IL22RA2: variants seen among roughly 807,000 people sequenced by gnomAD.
IL22RA2 encodes interleukin-22 receptor subunit alpha-2.
In IL22RA2, 39 loss-of-function variants were observed where a neutral mutation model predicts 30.7. That is an observed-to-expected ratio of 1.27 (90% CI 0.98 to 1.66). The LOEUF is 1.66. Among genes scored for constraint, IL22RA2 ranks in the 40% most tolerant of loss-of-function variants. IL22RA2 has a pLI of 0.00. For synonymous variants in IL22RA2, 103 were observed against 105.0 expected, an observed-to-expected ratio of 0.98 and a Z score of 0.11; for missense variants, 315 against 312.7, an observed-to-expected ratio of 1.01 and a Z score of -0.05.
Position 137,145,641 on chromosome 6 carries a change from A to T in IL22RA2, c.775T>A (p.Cys259Ser). Reference sequence around the variant, plus strand: ...TCCACAAGTCATGGAATTTCCACACATCTCTCTTCACTTCTCTGACTTCTT... The same window carrying T: ...TCCACAAGTCATGGAATTTCCACACTTCTCTCTTCACTTCTCTGACTTCTT... ...DRRSQRSEER[C>S]VEIP The change falls in exon 7 of 7, where the codon TGT (cysteine) becomes AGT (serine). Residue 259 changes from cysteine to serine, a missense_variant. Cys to Ser is a moderately radical substitution (Grantham distance 112). Transcript: ENST00000296980. The T allele has an allele frequency of 6.2e-7, 1 of 1,608,410 alleles. No individual in the cohort carries two copies. The highest frequency in any genetic ancestry group is 8.5e-7 in the Non-Finnish European group (1 of 1,177,308).
chr6:137,145,652 C>G lies in IL22RA2; in HGVS notation c.764G>C (p.Ser255Thr), dbSNP rs1032484121. 1.2e-5 allele frequency: 19 copies of G among 1,610,830 alleles called. No individual in the cohort carries two copies. The highest frequency in any genetic ancestry group is 1.4e-5 in the Non-Finnish European group (17 of 1,178,678). ...TGGAATTTCCACACATCTCTCTTCA[C>G]TTCTCTGACTTCTTCTGTCTAACAT... ...QPMLDRRSQR[S>T]EERCVEIP The change falls in exon 7 of 7, where the codon AGT (serine) becomes ACT (threonine). Residue 255 changes from serine (S) to threonine (T), a missense_variant. By Grantham distance (58) the Ser-to-Thr change is moderately conservative. Transcript: ENST00000296980.
At chr6:137,164,064 A>C (rs1012777880) in intron 1 of IL22RA2, among the ~76,000 whole-genome samples, 5 of 151,646 alleles carry the variant, frequency 3.3e-5, no homozygotes, top group Admixed American at 3.3e-4. Context: ...TCCAAGAGTG[A>C]AAGTGAGAGT....
intron 3 of IL22RA2, among the ~76,000 whole-genome samples, 190 bp downstream of exon 3, chr6:137,158,157 C>T (rs894267053): frequency 1.3e-5 from 2 of 152,202 alleles, no homozygotes; most frequent in Non-Finnish European, 2.9e-5. Flanking sequence ...GCCCAGTGCA[C>T]TGCATACCAT....
At position 137,149,746 on chromosome 6, in the gene IL22RA2, T is replaced by TA. The variant is rs537277473; in HGVS notation, c.473-1856dup. Among the ~76,000 whole-genome samples the TA allele has an allele frequency of 6.5e-4, 99 of 152,308 alleles. 1 individual carries two copies. The East Asian group carries it at 0.014, about 22-fold the overall frequency. On this transcript the variant is annotated intron_variant, in intron 5 of 6. Transcript: ENST00000296980. ...TTTTCTGGAGGAAGTCACAACTCCT[T>TA]AAAAAATTCTTGTACCTGCCTACCT...
intron 3 of IL22RA2, 72 bp downstream of exon 3, chr6:137,158,275 C>A: frequency 6.4e-7 from 1 of 1,562,464 alleles, no homozygotes; most frequent in Non-Finnish European, 8.8e-7. Context: ...CGGATCCTAA[C>A]ACTCCATTGC....
chr6:137,150,932 AT>A (rs1778276542), intron 5 of IL22RA2, among the ~76,000 whole-genome samples: 1 of 152,204 alleles, frequency 6.6e-6, no homozygotes, highest in Non-Finnish European at 1.5e-5. Flanking sequence ...TATCTAATTA[AT>A]TTGGATCTCA....
chr6:137,156,732 G>A, intron 4 of IL22RA2, 27 bp downstream of exon 4: 1 of 1,606,586 alleles, frequency 6.2e-7, no homozygotes, highest in East Asian at 2.2e-5. Context: ...CCTGAGGCTA[G>A]GTAATTGATA....
intron 1 of IL22RA2, among the ~76,000 whole-genome samples, chr6:137,166,672 A>G (rs1002058001): frequency 2.0e-5 from 3 of 152,252 alleles, no homozygotes; most frequent in Non-Finnish European, 4.4e-5. Context: ...GGAAGTTACC[A>G]GAAAGGAAGT....
Position 137,145,849 on chromosome 6 carries a change from C to T in IL22RA2, c.643-76G>A, listed in dbSNP as rs891209987. 2.0e-6 allele frequency: 3 copies of T among 1,475,056 alleles called. No homozygotes were observed. In the African/African-American group the frequency reaches 4.2e-5, roughly 20 times the overall value. The allele number at this position is 1,475,056 out of a possible 1,614,324, so 91.4% of individuals were successfully genotyped here. On this transcript the variant is annotated intron_variant, in intron 6 of 6. Coordinates refer to ENST00000296980, the MANE Select transcript of IL22RA2 (RefSeq NM_052962.3). ...ACAGCTGCATTTTTGTTTAAATTAA[C>T]AAGTTGTACATGGTCACAGCAGTAG...
chr6:137,168,369 A>G (rs984672020), intron 1 of IL22RA2, among the ~76,000 whole-genome samples: 3 of 152,244 alleles, frequency 2.0e-5, no homozygotes, highest in Non-Finnish European at 4.4e-5. Context: ...GCCATCATAT[A>G]CAAACCCCAC....
chr6:137,160,699 C>T (rs917795460), intron 2 of IL22RA2, among the ~76,000 whole-genome samples: 3 of 152,172 alleles, frequency 2.0e-5, no homozygotes, highest in Non-Finnish European at 4.4e-5. Context: ...CCCACAGCCA[C>T]CAAGTAAGGT....
intron 5 of IL22RA2, among the ~76,000 whole-genome samples, chr6:137,152,610 A>G (rs1374904074): frequency 2.6e-5 from 4 of 152,210 alleles, no homozygotes; most frequent in Admixed American, 2.6e-4. Flanking sequence ...TGAGGTGATA[A>G]AAATGTTCTA....
chr6:137,158,525 G>A (rs1224718196), intron 2 of IL22RA2, 43 bp from the exon 3 acceptor site: 14 of 1,606,562 alleles, frequency 8.7e-6, no homozygotes, highest in Non-Finnish European at 1.2e-5. Context: ...GTTGCTTGGA[G>A]CACTGCTGTT....
intron 1 of IL22RA2, among the ~76,000 whole-genome samples, chr6:137,165,845 C>T (rs28362848): frequency 0.058 from 8,853 of 152,210 alleles, 346 homozygotes; most frequent in East Asian, 0.095. Flanking sequence ...AATTTGGGTG[C>T]CCCACACGGT....
chr6:137,163,627 G>A lies in IL22RA2; in HGVS notation c.-65-1813C>T, dbSNP rs150025675. Among the ~76,000 whole-genome samples, 210 of 152,270 alleles carry A rather than the reference G, an allele frequency of 1.4e-3. 1 individual carries two copies. The highest frequency in any genetic ancestry group is 4.1e-3 in the African/African-American group (169 of 41,560). On this transcript the variant is annotated intron_variant, in intron 1 of 6. Coordinates refer to ENST00000296980, the MANE Select transcript of IL22RA2 (RefSeq NM_052962.3). ...AGGTTTGGGCCCTAAGGCAAGACCC[G>A]TCCCATAAGGATGGAAGGGGAGCCT...
chr6:137,164,461 G>T (rs1270539904), intron 1 of IL22RA2, among the ~76,000 whole-genome samples: 2 of 152,328 alleles, frequency 1.3e-5, no homozygotes, highest in East Asian at 1.9e-4. Context: ...GAAAGAAACT[G>T]CAAGGCATCA....
At position 137,145,004 on chromosome 6, in the gene IL22RA2, GA is replaced by G. The variant is rs1216442485; in HGVS notation, c.*619del. On this transcript the variant is annotated 3_prime_UTR_variant, in exon 7 of 7. Transcript: ENST00000296980. ...TCAGATATCAATCCAGAAATCATAA[GA>G]TTTTTTTCCCCAAAACCTGTTCTTA... The G allele has an allele frequency of 1.3e-5, 2 of 151,552 alleles. No individual in the cohort carries two copies. The highest frequency in any genetic ancestry group is 1.9e-4 in the East Asian group (1 of 5,196). The allele number at this position is 151,552 out of a possible 1,614,324, so 9.4% of individuals were successfully genotyped here. A position where few individuals can be genotyped will look rare whatever the true frequency, so the allele number is the denominator to read the frequency against.
chr6:137,168,329 T>G (rs1778661427), intron 1 of IL22RA2, among the ~76,000 whole-genome samples: 1 of 152,210 alleles, frequency 6.6e-6, no homozygotes, highest in Admixed American at 6.5e-5. Context: ...TGACTTCTTA[T>G]TTGAAGTCCA....
rs2114341288 is a variant in IL22RA2 at position 137,145,453 on chromosome 6, G to A, written c.*171C>T. On this transcript the variant is annotated 3_prime_UTR_variant, in exon 7 of 7. Coordinates refer to ENST00000296980, the MANE Select transcript of IL22RA2 (RefSeq NM_052962.3). ...TGTCGTTCAAATATAGTTTACAAAT[G>A]AAATATAAAGGATAAAAGAATGGAT... is the stretch of plus-strand genomic sequence containing the variant. 5.6e-6 allele frequency: 3 copies of A among 539,564 alleles called. No individual in the cohort carries two copies. Among genetic ancestry groups the A allele is most frequent in the East Asian group, 6.8e-5 (2 of 29,450 alleles). The allele number at this position is 539,564 out of a possible 1,614,324, so 33.4% of individuals were successfully genotyped here.
Sources: allele counts gnomAD v4.1 joint callset (sites outside exome capture counted in the v4.1 genomes callset), GRCh38; gene constraint gnomAD v4.1.1; transcripts MANE v1.5; gene names NCBI Gene and HGNC (gene_info 2026-07-23, HGNC 2026-07-21).